Variants in SLC25A26 observed in about 807,000 individuals in gnomAD.
The protein encoded by SLC25A26 is solute carrier family 25 member 26, also known as mitochondrial S-adenosylmethionine carrier protein.
In SLC25A26, 36 loss-of-function variants were observed where a neutral mutation model predicts 37.8. The observed-to-expected ratio is 0.95, with a 90% CI of 0.73 to 1.26. SLC25A26 has a LOEUF of 1.26. Among genes scored for constraint, SLC25A26 ranks in the 50% most tolerant of loss-of-function variants. The pLI is 0.00. For synonymous variants in SLC25A26, 129 were observed against 122.5 expected (o/e 1.05, Z -0.35); for missense variants, 390 against 331.1 (o/e 1.18, Z -1.38).
At chr3:66,178,211 T>A (rs1188845141) in intron 1 of SLC25A26, among the ~76,000 whole-genome samples, 1 of 149,128 alleles carries the variant, frequency 6.7e-6, no homozygotes, top group East Asian at 1.9e-4. Context: ...CAGGTTCAGA[T>A]GGCCCAACAG....
At chr3:66,163,588 C>T (rs2070388363) in intron 1 of SLC25A26, among the ~76,000 whole-genome samples, 1 of 152,208 alleles carries the variant, frequency 6.6e-6, no homozygotes, top group Admixed American at 6.5e-5. Context: ...CTCATGACTT[C>T]TACATTTCAA....
intron 1 of SLC25A26, among the ~76,000 whole-genome samples, chr3:66,194,654 G>T (rs983037345): frequency 6.6e-6 from 1 of 152,192 alleles, no homozygotes; most frequent in Non-Finnish European, 1.5e-5. Flanking sequence ...GCCCAGGCTG[G>T]AGTGCAATGG....
At chr3:66,241,874 T>C (rs574087451) in intron 2 of SLC25A26, among the ~76,000 whole-genome samples, 2 of 151,976 alleles carry the variant, frequency 1.3e-5, no homozygotes, top group African/African-American at 4.8e-5. Context: ...TTTAGGAGCC[T>C]TAGTCCCTAT....
chr3:66,214,805 A>T (rs1440675018), intron 1 of SLC25A26, among the ~76,000 whole-genome samples: 1 of 152,156 alleles, frequency 6.6e-6, no homozygotes, highest in Non-Finnish European at 1.5e-5. Context: ...TGAGACATAG[A>T]AGATGTTTCT....
chr3:66,190,435 A>G (rs2070917936), intron 1 of SLC25A26, among the ~76,000 whole-genome samples: 1 of 152,072 alleles, frequency 6.6e-6, no homozygotes, highest in Non-Finnish European at 1.5e-5. Flanking sequence ...TATCTATTTT[A>G]TTTATTTTTT....
At chr3:66,235,876 C>G (rs782743846) in intron 1 of SLC25A26, among the ~76,000 whole-genome samples, 1 of 152,098 alleles carries the variant, frequency 6.6e-6, no homozygotes, top group Non-Finnish European at 1.5e-5. Context: ...ACTTTGAGCT[C>G]TTTACCTTTT....
intron 1 of SLC25A26, among the ~76,000 whole-genome samples, chr3:66,136,441 A>T (rs2069948121): frequency 6.6e-6 from 1 of 152,252 alleles, no homozygotes; most frequent in Non-Finnish European, 1.5e-5. Context: ...AGTTTGGAGA[A>T]AAACAGGGTG....
intron 5 of SLC25A26, among the ~76,000 whole-genome samples, chr3:66,321,748 C>T (rs1243054186): frequency 7.1e-6 from 1 of 140,484 alleles, no homozygotes; most frequent in East Asian, 2.9e-4. Flanking sequence ...AGCTTTCTGC[C>T]TACTTTTTTT....
chr3:66,316,072 G>T (rs1211789856), intron 5 of SLC25A26, among the ~76,000 whole-genome samples: 1 of 152,132 alleles, frequency 6.6e-6, no homozygotes, highest in African/African-American at 2.4e-5. Context: ...ACTCCAGTTT[G>T]CCATTCTGTG....
chr3:66,163,012 A>G (rs1008552944), intron 1 of SLC25A26, among the ~76,000 whole-genome samples: 2 of 152,202 alleles, frequency 1.3e-5, no homozygotes, highest in African/African-American at 2.4e-5. Context: ...TCTTTCTAGG[A>G]AATCAGCCTC....
intron 5 of SLC25A26, among the ~76,000 whole-genome samples, chr3:66,319,011 C>T (rs989044716): frequency 2.0e-5 from 3 of 152,146 alleles, no homozygotes; most frequent in Non-Finnish European, 4.4e-5. Flanking sequence ...TTGCGCTATA[C>T]TTACCAACTT....
At chr3:66,181,485 G>A (rs2070705425) in intron 1 of SLC25A26, among the ~76,000 whole-genome samples, 1 of 152,192 alleles carries the variant, frequency 6.6e-6, no homozygotes, top group Non-Finnish European at 1.5e-5. Flanking sequence ...TGCTAGCTAC[G>A]ACACTGAGCA....
chr3:66,260,276 T>A (rs185935925), intron 3 of SLC25A26, among the ~76,000 whole-genome samples: 2 of 152,334 alleles, frequency 1.3e-5, no homozygotes, highest in Non-Finnish European at 2.9e-5. Flanking sequence ...CATCTTAGTC[T>A]TCTTTATCAT....
At chr3:66,369,623 C>A in intron 8 of SLC25A26, 81 bp downstream of exon 8, 1 of 1,211,914 alleles carries the variant, frequency 8.3e-7, no homozygotes. Flanking sequence ...ATAAAGTGAA[C>A]ACAAATGGCT....
At chr3:66,269,988 T>C (rs1488210105) in intron 5 of SLC25A26, among the ~76,000 whole-genome samples, 1 of 152,188 alleles carries the variant, frequency 6.6e-6, no homozygotes, top group Non-Finnish European at 1.5e-5. Flanking sequence ...TGAATACTTG[T>C]CGTTTTTCAC....
At chr3:66,178,039 T>C (rs1168654210) in intron 1 of SLC25A26, among the ~76,000 whole-genome samples, 1 of 152,212 alleles carries the variant, frequency 6.6e-6, no homozygotes, top group Non-Finnish European at 1.5e-5. Context: ...ATTTTCTAAC[T>C]GAGACAGCTC....
intron 1 of SLC25A26, among the ~76,000 whole-genome samples, chr3:66,213,352 A>T (rs2071311989): frequency 1.4e-5 from 2 of 142,650 alleles, no homozygotes; most frequent in South Asian, 4.7e-4. Flanking sequence ...ATGAGCCAAG[A>T]TCATGCCACT....
chr3:66,375,040 T>C (rs1700566067), intron 9 of SLC25A26, among the ~76,000 whole-genome samples: 1 of 152,180 alleles, frequency 6.6e-6, no homozygotes, highest in East Asian at 1.9e-4. Context: ...AAAAGTGCTA[T>C]CCAGTGAATA....
intron 1 of SLC25A26, among the ~76,000 whole-genome samples, chr3:66,136,788 C>T (rs1346306791): frequency 1.3e-5 from 2 of 152,174 alleles, no homozygotes; most frequent in African/African-American, 4.8e-5. Context: ...GTATACAAAG[C>T]TTTTCCCTTT....
Sources: gnomAD v4.1 joint callset for allele counts (sites outside exome capture counted in the v4.1 genomes callset) on GRCh38, gnomAD v4.1.1 for gene constraint, MANE v1.5 for transcripts, NCBI Gene and HGNC (gene_info 2026-07-23, HGNC 2026-07-21) for gene names.